Variants in ACOT1 observed in about 807,000 individuals in gnomAD.
ACOT1 encodes the protein acyl-coenzyme A thioesterase 1.
In ACOT1, 8 loss-of-function variants were observed where a neutral mutation model predicts 15.7. That is an observed-to-expected ratio of 0.51 (90% CI 0.30 to 0.92). The LOEUF (loss-of-function observed/expected upper bound fraction) is 0.92. ACOT1 is among the 40% of genes least tolerant of loss of function. The pLI is 0.06. For synonymous variants in ACOT1, 67 were observed against 241.2 expected (o/e 0.28, Z 6.69); for missense variants, 151 against 539.4 (o/e 0.28, Z 7.13).
In ACOT1 at chr14:73,538,005, C is replaced by CCCA. The variant is rs1202604246; in HGVS notation, c.457+139_457+141dup. The CCCA allele has an allele frequency of 2.0e-3, 1,624 of 812,328 alleles. 323 individuals are homozygous for CCCA. Among genetic ancestry groups the CCCA allele is most frequent in the Middle Eastern group, 6.5e-3 (16 of 2,470 alleles). 50.3% of individuals were successfully genotyped at this position (812,328 alleles called of 1,614,324 possible). Reference sequence around the variant, plus strand: ...CTTGTGTGTGTGTCCCTCCTCCCGCCCCACCACCACCACCCCGGGCTATGT... The same window carrying CCCA: ...CTTGTGTGTGTGTCCCTCCTCCCGCCCCACCACCACCACCACCCCGGGCTATGT... On this transcript the variant is annotated intron_variant, in intron 1 of 2. Coordinates refer to ENST00000311148, the MANE Select transcript of ACOT1 (RefSeq NM_001037161.2).
the ACOT1 span, chr14:73,509,549 TGTG>T: frequency 6.7e-7 from 1 of 1,494,114 alleles, no homozygotes; most frequent in Non-Finnish European, 9.3e-7. Flanking sequence ...CCTACAGCCA[TGTG>T]GTGGCCAACC....
chr14:73,532,374 C>T (rs1333843570), upstream of ACOT1, among the ~76,000 whole-genome samples: 2 of 116,414 alleles, frequency 1.7e-5, 1 homozygote, highest in Admixed American at 1.9e-4. Context: ...TAATTTCACA[C>T]GTACAGAAAT....
chr14:73,506,472 A>G, the ACOT1 span: 5 of 1,612,684 alleles, frequency 3.1e-6, no homozygotes, highest in Non-Finnish European at 4.2e-6. Flanking sequence ...TTTACCAAGC[A>G]GACATTTCCA....
chr14:73,502,366 C>T, the ACOT1 span, among the ~76,000 whole-genome samples: 1 of 152,094 alleles, frequency 6.6e-6, no homozygotes, highest in African/African-American at 2.4e-5. Context: ...ATCAGAATTG[C>T]GTCATACTTT....
chr14:73,499,385 T>C, the ACOT1 span, among the ~76,000 whole-genome samples: 1 of 151,772 alleles, frequency 6.6e-6, no homozygotes, highest in Non-Finnish European at 1.5e-5. Flanking sequence ...GAGGCTGAGG[T>C]AGGAGAATTG....
chr14:73,491,229 C>A, the ACOT1 span: 1 of 1,590,108 alleles, frequency 6.3e-7, no homozygotes, highest in East Asian at 2.3e-5. Context: ...GTGGAGTCGA[C>A]GGCCGACGAC....
chr14:73,498,252 C>G, the ACOT1 span: 1 of 1,614,090 alleles, frequency 6.2e-7, no homozygotes, highest in South Asian at 1.1e-5. Flanking sequence ...CTACGGCAAG[C>G]TTCCAGCCGT....
chr14:73,515,602 C>A, the ACOT1 span, among the ~76,000 whole-genome samples: 1 of 134,856 alleles, frequency 7.4e-6, no homozygotes, highest in South Asian at 2.3e-4. Context: ...ATCACTTGAA[C>A]TGGGGAGGCG....
chr14:73,522,441 G>A, the ACOT1 span: 72,054 of 1,614,210 alleles, frequency 0.045, 1,861 homozygotes, highest in Middle Eastern at 0.075. Flanking sequence ...TACTGCTGGC[G>A]CAGGAAGCTC....
chr14:73,500,784 C>A, the ACOT1 span: 1 of 1,529,400 alleles, frequency 6.5e-7, no homozygotes, highest in South Asian at 1.2e-5. Flanking sequence ...AGTACCTAAC[C>A]CCCAACCCCC....
At chr14:73,533,203 C>T (rs2140307414), upstream of ACOT1, among the ~76,000 whole-genome samples, 1 of 113,756 alleles carries the variant, frequency 8.8e-6, no homozygotes, top group African/African-American at 2.9e-5. Context: ...AGCAATTCTA[C>T]TTCTGGGTAC....
At chr14:73,494,190 C>T in the ACOT1 span, among the ~76,000 whole-genome samples, 1 of 152,158 alleles carries the variant, frequency 6.6e-6, no homozygotes, top group Admixed American at 6.6e-5. Flanking sequence ...AGTGAATATT[C>T]TCATGGTTGG....
chr14:73,520,794 T>A, the ACOT1 span: 1 of 1,485,808 alleles, frequency 6.7e-7, no homozygotes. Flanking sequence ...CCAGCAATCT[T>A]CCACCTTCCT....
At chr14:73,509,835 TA>T in the ACOT1 span, among the ~76,000 whole-genome samples, 1 of 41,744 alleles carries the variant, frequency 2.4e-5, no homozygotes, top group Non-Finnish European at 5.0e-5. Context: ...TATATATATA[TA>T]TATATATATA....
At chr14:73,529,253 G>A in the ACOT1 span, 1 of 149,730 alleles carries the variant, frequency 6.7e-6, no homozygotes, top group Non-Finnish European at 1.5e-5. Flanking sequence ...TACTTGGGAG[G>A]CTAAGACAGG....
the ACOT1 span, among the ~76,000 whole-genome samples, chr14:73,504,281 T>C: frequency 1.3e-5 from 2 of 151,628 alleles, no homozygotes; most frequent in African/African-American, 2.4e-5. Context: ...CTCGCTCTGT[T>C]GCCCAGGCTG....
At chr14:73,506,391 G>T in the ACOT1 span, 1 of 963,342 alleles carries the variant, frequency 1.0e-6, no homozygotes, top group East Asian at 2.4e-5. Context: ...ATAATACATA[G>T]CAGCAAAAAG....
At chr14:73,501,410 C>A in the ACOT1 span, among the ~76,000 whole-genome samples, 1 of 151,872 alleles carries the variant, frequency 6.6e-6, no homozygotes, top group Admixed American at 6.6e-5. Flanking sequence ...CAGGCATGAG[C>A]CACCGCGCCC....
the ACOT1 span, chr14:73,492,079 G>A: frequency 6.2e-7 from 1 of 1,613,964 alleles, no homozygotes. The surrounding 1 kb of genome is among the most constrained non-coding windows in gnomAD (Gnocchi z 4.9). Context: ...TGGAAGGTAG[G>A]AAACTCTGGC....
Sources: gnomAD v4.1 joint callset for allele counts (sites outside exome capture counted in the v4.1 genomes callset) on GRCh38, gnomAD v4.1.1 for gene constraint, Gnocchi (gnomAD v3.1) non-coding constraint, MANE v1.5 for transcripts, NCBI Gene and HGNC (gene_info 2026-07-23, HGNC 2026-07-21) for gene names.